ARSB: variants seen among roughly 807,000 people sequenced by gnomAD.
ARSB encodes the protein N-acetylgalactosamine-4-sulfatase.
Under a neutral mutation model 50.9 loss-of-function variants are expected in ARSB, and 41 were observed. The observed-to-expected ratio is 0.81, with a 90% confidence interval of 0.63 to 1.04. ARSB has a LOEUF of 1.04. Ranked by LOEUF, ARSB falls within the 50% of genes least tolerant of loss-of-function variation. The probability of loss-of-function intolerance (pLI) is 0.00; values close to 1 mark genes in which losing one functional copy is unlikely to be tolerated. For missense variants in ARSB, 672 were observed against 693.3 expected (o/e 0.97, Z 0.35); for synonymous variants, 269 against 284.8 (o/e 0.94, Z 0.56).
At chr5:78,849,557 TTGGTTCCA>T (rs1328324391) in intron 5 of ARSB, among the ~76,000 whole-genome samples, 1 of 152,170 alleles carries the variant, frequency 6.6e-6, no homozygotes, top group African/African-American at 2.4e-5. Context: ...GGGCTCTTTT[TTGGTTCCA>T]TATGAACTTT....
intron 4 of ARSB, among the ~76,000 whole-genome samples, chr5:78,934,339 A>T (rs1381633829): frequency 6.6e-6 from 1 of 151,728 alleles, no homozygotes; most frequent in African/African-American, 2.4e-5. Context: ...GGAGCAAAAA[A>T]CCTCCTATGT....
intron 6 of ARSB, among the ~76,000 whole-genome samples, chr5:78,792,863 G>A (rs141104622): frequency 3.4e-4 from 52 of 152,282 alleles, no homozygotes; most frequent in African/African-American, 1.1e-3. Flanking sequence ...TCTTATGACT[G>A]TGAGATCTGA....
chr5:78,834,607 G>GTATA (rs58773415), intron 6 of ARSB, among the ~76,000 whole-genome samples: 9,925 of 84,636 alleles, frequency 0.12, 885 homozygotes, highest in Non-Finnish European at 0.16. Context: ...ATATATATGT[G>GTATA]TATATATATA....
chr5:78,878,702 A>G (rs1487047290), intron 5 of ARSB, among the ~76,000 whole-genome samples: 1 of 152,150 alleles, frequency 6.6e-6, no homozygotes, highest in Non-Finnish European at 1.5e-5. Flanking sequence ...TCTTCTTGAA[A>G]TGATATTGAT....
intron 5 of ARSB, among the ~76,000 whole-genome samples, chr5:78,865,167 G>T (rs1746657739): frequency 1.3e-5 from 2 of 152,146 alleles, no homozygotes; most frequent in Admixed American, 1.3e-4. Context: ...CCTAGCAGAG[G>T]TTCTCCGTGA....
chr5:78,890,894 T>C (rs1748262407), intron 4 of ARSB, among the ~76,000 whole-genome samples: 1 of 152,228 alleles, frequency 6.6e-6, no homozygotes, highest in Admixed American at 6.5e-5. Flanking sequence ...TCATATCTTC[T>C]GTGAACCTGC....
chr5:78,797,800 T>C (rs16875918), intron 6 of ARSB, among the ~76,000 whole-genome samples: 2,395 of 152,290 alleles, frequency 0.016, 68 homozygotes, highest in African/African-American at 0.055. Context: ...ACTGGGTGCC[T>C]TGTCTCCACT....
intron 5 of ARSB, among the ~76,000 whole-genome samples, chr5:78,877,978 T>C (rs1561478127): frequency 6.6e-6 from 1 of 151,884 alleles, no homozygotes; most frequent in Admixed American, 6.6e-5. Context: ...ATGTGTGAGA[T>C]GAAAAATACA....
chr5:78,783,176 G>A (rs1291536572), intron 6 of ARSB: 1 of 152,134 alleles, frequency 6.6e-6, no homozygotes, highest in Non-Finnish European at 1.5e-5. Flanking sequence ...GGATCACTTC[G>A]AAAGGTTGCT....
intron 6 of ARSB, among the ~76,000 whole-genome samples, chr5:78,835,349 C>A (rs1744904114): frequency 6.6e-6 from 1 of 152,018 alleles, no homozygotes; most frequent in Non-Finnish European, 1.5e-5. Context: ...CTGCTGAAAT[C>A]CAAGAGGCCA....
At chr5:78,897,687 T>A (rs1483482780) in intron 4 of ARSB, among the ~76,000 whole-genome samples, 1 of 152,110 alleles carries the variant, frequency 6.6e-6, no homozygotes, top group African/African-American at 2.4e-5. Flanking sequence ...TATAATCAGA[T>A]CTCCTGGTAA....
chr5:78,791,351 A>T (rs1384499947), intron 6 of ARSB, among the ~76,000 whole-genome samples: 2 of 152,236 alleles, frequency 1.3e-5, no homozygotes, highest in Non-Finnish European at 2.9e-5. Context: ...TATGTAAATC[A>T]AATGTGTCTC....
At chr5:78,798,877 T>C (rs1454297226) in intron 6 of ARSB, among the ~76,000 whole-genome samples, 5 of 152,106 alleles carry the variant, frequency 3.3e-5, no homozygotes. Flanking sequence ...ACAACATTGC[T>C]GTCCATGGCC....
At chr5:78,944,071 G>A (rs775968445) in intron 4 of ARSB, among the ~76,000 whole-genome samples, 15 of 152,090 alleles carry the variant, frequency 9.9e-5, no homozygotes, top group South Asian at 6.2e-4. Context: ...TGATCAAATC[G>A]GCTACTGAGT....
At chr5:78,947,358 G>C (rs1022804986) in intron 4 of ARSB, among the ~76,000 whole-genome samples, 8 of 151,948 alleles carry the variant, frequency 5.3e-5, no homozygotes, top group Non-Finnish European at 1.0e-4. Context: ...TGGAATGGGA[G>C]AAAATATCTG....
intron 4 of ARSB, among the ~76,000 whole-genome samples, chr5:78,916,773 G>C (rs1463244199): frequency 6.6e-6 from 1 of 152,132 alleles, no homozygotes; most frequent in African/African-American, 2.4e-5. Flanking sequence ...ATTCATTCTT[G>C]GGGGGATCTT....
intron 6 of ARSB, among the ~76,000 whole-genome samples, chr5:78,833,511 G>A (rs1744786707): frequency 1.3e-5 from 2 of 152,214 alleles, no homozygotes; most frequent in African/African-American, 4.8e-5. Context: ...ACACAGGAAA[G>A]CAATTACATC....
intron 5 of ARSB, among the ~76,000 whole-genome samples, chr5:78,865,153 C>G (rs1241606377): frequency 2.0e-5 from 3 of 152,086 alleles, no homozygotes; most frequent in Non-Finnish European, 4.4e-5. Context: ...CCCTTCCATC[C>G]TGCCCTAGCA....
At chr5:78,782,256 T>C (rs1417175886) in intron 6 of ARSB, among the ~76,000 whole-genome samples, 1 of 152,270 alleles carries the variant, frequency 6.6e-6, no homozygotes, top group Non-Finnish European at 1.5e-5. Context: ...GCTAGCCATA[T>C]GCAGAACAGT....
Sources: allele counts gnomAD v4.1 joint callset (sites outside exome capture counted in the v4.1 genomes callset), GRCh38; gene constraint gnomAD v4.1.1; transcripts MANE v1.5; gene names NCBI Gene and HGNC (gene_info 2026-07-23, HGNC 2026-07-21).